The following PISD variants were observed in gnomAD, a reference collection of about 807,000 sequenced individuals.
The protein encoded by PISD is phosphatidylserine decarboxylase.
A neutral mutation model predicts 43.5 loss-of-function variants in PISD; 31 were observed. That is an observed-to-expected ratio of 0.71 (90% CI 0.54 to 0.96). The LOEUF is 0.96. PISD is among the 40% of genes least tolerant of loss of function. The pLI is 0.00. For synonymous variants in PISD, 259 were observed against 228.7 expected (o/e 1.13, Z -1.20); for missense variants, 523 against 548.4 (o/e 0.95, Z 0.46).
At chr22:31,657,153 T>C (rs935989861) in intron 1 of PISD, among the ~76,000 whole-genome samples, 6 of 152,222 alleles carry the variant, frequency 3.9e-5, no homozygotes, top group African/African-American at 1.4e-4. Context: ...TTTTGTTTTT[T>C]TGAGATGGAG....
chr22:31,661,025 G>A (rs1322920444), intron 1 of PISD, among the ~76,000 whole-genome samples: 1 of 152,110 alleles, frequency 6.6e-6, no homozygotes. Flanking sequence ...GTGAGCCACC[G>A]CGCCCAGCCT....
chr22:31,639,726 T>C (rs1304526492), intron 3 of PISD, among the ~76,000 whole-genome samples: 1 of 152,104 alleles, frequency 6.6e-6, no homozygotes, highest in Non-Finnish European at 1.5e-5. Context: ...ATATGACCAC[T>C]GCAGCAGTAT....
chr22:31,621,456 C>T lies in PISD; in HGVS notation c.575G>A (p.Gly192Glu), dbSNP rs754138317. 1 of 1,614,130 alleles carries T rather than the reference C, an allele frequency of 6.2e-7. No homozygotes were observed. The highest frequency in any genetic ancestry group is 8.5e-7 in the Non-Finnish European group (1 of 1,180,016). ...CACCTGCCCAAAGTTGAGGATCCTT[C>T]CATCCGATGGGCTAATCTGGAAGGG... ...GLHSVISPSDGRILNFGQVKN... is the reference protein window; with the variant it reads ...GLHSVISPSDERILNFGQVKN... Residue 192 changes from glycine to glutamate, a missense_variant, in exon 5 of 8, where the codon GGA becomes GAA. Transcript: ENST00000439502.
intron 3 of PISD, among the ~76,000 whole-genome samples, chr22:31,639,180 CTTTTTTT>C (rs60020183): frequency 1.5e-5 from 2 of 133,502 alleles, no homozygotes; most frequent in Admixed American, 1.5e-4. Flanking sequence ...TTTCCTTTTT[CTTTTTTT>C]TTTTTTTGAG....
At chr22:31,623,780 C>G (rs2072718451) in intron 3 of PISD, 1 of 1,614,048 alleles carries the variant, frequency 6.2e-7, no homozygotes. Flanking sequence ...AGCGCAGTTT[C>G]AGAGCGGGTC....
chr22:31,642,225 C>A (rs900952191), intron 3 of PISD, among the ~76,000 whole-genome samples: 1 of 150,970 alleles, frequency 6.6e-6, no homozygotes, highest in African/African-American at 2.5e-5. Flanking sequence ...CTTTGGGAGG[C>A]CAAGGTGGGA....
At chr22:31,624,580 A>G (rs1353881983) in intron 3 of PISD, among the ~76,000 whole-genome samples, 3 of 151,944 alleles carry the variant, frequency 2.0e-5, no homozygotes, top group Admixed American at 2.0e-4. Flanking sequence ...AAACCCATCC[A>G]CAGGTTTGTG....
chr22:31,646,569 G>A (rs1195623464), intron 3 of PISD, among the ~76,000 whole-genome samples: 1 of 152,180 alleles, frequency 6.6e-6, no homozygotes, highest in African/African-American at 2.4e-5. Flanking sequence ...GGAAACCTTT[G>A]AAGTGTGTGG....
chr22:31,620,006 C>G (rs2072418367), intron 7 of PISD, among the ~76,000 whole-genome samples, 170 bp from the exon 8 acceptor site: 1 of 152,324 alleles, frequency 6.6e-6, no homozygotes, highest in African/African-American at 2.4e-5. Flanking sequence ...CCTGCTCTAG[C>G]CAGATCTCAC....
At position 31,618,587 on chromosome 22, in the gene PISD, G is replaced by GAT; in HGVS notation, c.*1023_*1024dup. On this transcript the variant is annotated 3_prime_UTR_variant, in exon 8 of 8. Coordinates refer to ENST00000439502, the MANE Select transcript of PISD (RefSeq NM_001326411.2). Reference sequence around the variant, plus strand: ...TTTCATACAAAAATACTGTGCTACTGATACAGTTGAAAAAATTCAATGATG... The same window carrying GAT: ...TTTCATACAAAAATACTGTGCTACTGATATACAGTTGAAAAAATTCAATGATG... 1 of 608,634 alleles carries GAT rather than the reference G, an allele frequency of 1.6e-6. No homozygotes were observed. The highest frequency in any genetic ancestry group is 2.5e-6 in the Non-Finnish European group (1 of 398,124). The allele number at this position is 608,634 out of a possible 1,614,324, so 37.7% of individuals were successfully genotyped here.
chr22:31,645,540 T>C (rs76742988), intron 3 of PISD, among the ~76,000 whole-genome samples: 6,464 of 142,598 alleles, frequency 0.045, 127 homozygotes, highest in Non-Finnish European at 0.051. Flanking sequence ...CCCTGTCTCT[T>C]TTTTTTTTTT....
At chr22:31,650,862 T>C in intron 1 of PISD, 84 bp from the exon 2 acceptor site, 1 of 783,760 alleles carries the variant, frequency 1.3e-6, no homozygotes, top group Non-Finnish European at 2.1e-6. Context: ...AAACACTCAA[T>C]AACAATATTG....
chr22:31,624,194 C>G (rs192185952), intron 3 of PISD, among the ~76,000 whole-genome samples: 1 of 152,184 alleles, frequency 6.6e-6, no homozygotes, highest in East Asian at 1.9e-4. Flanking sequence ...GCAAGGGCCT[C>G]CAGGCCCAAG....
At chr22:31,628,121 C>T in intron 3 of PISD, 2 of 985,670 alleles carry the variant, frequency 2.0e-6, no homozygotes, top group Non-Finnish European at 2.4e-6. Flanking sequence ...TCCATATCAC[C>T]AGCTGTGGGC....
intron 3 of PISD, among the ~76,000 whole-genome samples, chr22:31,629,517 A>T (rs1288321920): frequency 7.9e-6 from 1 of 126,584 alleles, no homozygotes; most frequent in Non-Finnish European, 1.7e-5. Context: ...AGGGGTGTGT[A>T]TGTAGGTGCG....
intron 1 of PISD, among the ~76,000 whole-genome samples, chr22:31,654,106 ACAC>A (rs1158746485): frequency 6.6e-6 from 1 of 152,032 alleles, no homozygotes; most frequent in Non-Finnish European, 1.5e-5. Flanking sequence ...TGTTCCTATC[ACAC>A]CACCTCATCA....
chr22:31,621,185 C>CA, intron 5 of PISD, 43 bp from the exon 6 acceptor site: 2 of 1,613,650 alleles, frequency 1.2e-6, no homozygotes, highest in Non-Finnish European at 8.5e-7. Flanking sequence ...ACACAGTGAG[C>CA]ACCCAGCACG....
chr22:31,629,510 GGTGT>G (rs2073091388), intron 3 of PISD, among the ~76,000 whole-genome samples: 2 of 150,680 alleles, frequency 1.3e-5, no homozygotes, highest in East Asian at 3.9e-4. Flanking sequence ...CGCATATAGG[GGTGT>G]GTATGTAGGT....
chr22:31,624,598 C>T (rs1344858627), intron 3 of PISD, among the ~76,000 whole-genome samples: 1 of 151,894 alleles, frequency 6.6e-6, no homozygotes, highest in African/African-American at 2.4e-5. Context: ...GTGAACAAAA[C>T]CTCCCCACCA....
Sources: allele counts gnomAD v4.1 joint callset (sites outside exome capture counted in the v4.1 genomes callset), GRCh38; gene constraint gnomAD v4.1.1; transcripts MANE v1.5; gene names NCBI Gene and HGNC (gene_info 2026-07-23, HGNC 2026-07-21).